Variants in IL7 observed in about 807,000 individuals in gnomAD.
IL7 encodes the protein interleukin-7.
In IL7, 3 loss-of-function variants were observed where a neutral mutation model predicts 21.6. That is an observed-to-expected ratio of 0.14 (90% CI 0.06 to 0.36). IL7 has a LOEUF of 0.36. Ranked by LOEUF, IL7 falls within the 10% of genes least tolerant of loss-of-function variation. The pLI, the probability that IL7 is intolerant of heterozygous loss-of-function variation, is 1.00. For synonymous variants in IL7, 62 were observed against 68.1 expected, an observed-to-expected ratio of 0.91 and a Z score of 0.44; for missense variants, 175 against 200.2, an observed-to-expected ratio of 0.87 and a Z score of 0.76.
chr8:78,752,903 G>A (rs1398652208), intron 2 of IL7, among the ~76,000 whole-genome samples: 1 of 152,072 alleles, frequency 6.6e-6, no homozygotes, highest in African/African-American at 2.4e-5. Flanking sequence ...CTTCATCCAT[G>A]TCCCTGCAAA....
intron 3 of IL7, among the ~76,000 whole-genome samples, chr8:78,698,074 T>G (rs567619719): frequency 4.6e-5 from 7 of 152,222 alleles, no homozygotes; most frequent in Non-Finnish European, 8.8e-5. Context: ...CTTCCTTGAT[T>G]CTTTGATCCA....
At chr8:78,741,009 C>A (rs975993778) in intron 2 of IL7, among the ~76,000 whole-genome samples, 2 of 152,128 alleles carry the variant, frequency 1.3e-5, no homozygotes, top group Admixed American at 6.5e-5. Flanking sequence ...AGCAAACTAG[C>A]AACTCCATGC....
At chr8:78,720,100 T>G (rs552746991) in intron 5 of IL7, among the ~76,000 whole-genome samples, 34 of 151,992 alleles carry the variant, frequency 2.2e-4, no homozygotes, top group Middle Eastern at 3.4e-3. Flanking sequence ...ATGGCAAAGT[T>G]ATTTGTGATG....
chr8:78,746,238 G>A (rs1811973958), intron 2 of IL7, among the ~76,000 whole-genome samples: 1 of 152,194 alleles, frequency 6.6e-6, no homozygotes, highest in African/African-American at 2.4e-5. Context: ...CAAGAATTTG[G>A]AAGCTGCCTA....
At chr8:78,722,350 A>G (rs553251455) in intron 3 of IL7, among the ~76,000 whole-genome samples, 267 of 152,068 alleles carry the variant, frequency 1.8e-3, no homozygotes, top group Middle Eastern at 3.4e-3. Context: ...TTTTAACGAA[A>G]TTATTTTTCC....
Position 78,759,057 on chromosome 8 carries a change from TC to T in IL7, c.148-18976del, listed in dbSNP as rs60991823. ...TCTTCATTCTCTTTTATTCTTTTAT[TC>T]CCCCCCCCACCTTTTTTTTTAATCT... On this transcript the variant is annotated intron_variant, in intron 2 of 5. Coordinates refer to ENST00000263851, the MANE Select transcript of IL7 (RefSeq NM_000880.4). Among the ~76,000 whole-genome samples the T allele has an allele frequency of 8.5e-4, 124 of 145,754 alleles. 2 individuals carry two copies. The highest frequency in any genetic ancestry group is 3.5e-3 in the Middle Eastern group (1 of 288).
chr8:78,715,286 T>C, downstream of IL7: 1 of 1,613,896 alleles, frequency 6.2e-7, no homozygotes, highest in Non-Finnish European at 8.5e-7. Flanking sequence ...CCAGGTGTGC[T>C]TACAAACAAA....
intron 2 of IL7, among the ~76,000 whole-genome samples, chr8:78,753,340 T>C (rs1476664081): frequency 1.3e-5 from 2 of 152,270 alleles, no homozygotes; most frequent in African/African-American, 4.8e-5. Flanking sequence ...CCAGTGATGA[T>C]GAACTTTTTT....
At chr8:78,740,147 A>ATCT in intron 2 of IL7, 65 bp from the exon 3 acceptor site, 1 of 930,752 alleles carries the variant, frequency 1.1e-6, no homozygotes, top group Non-Finnish European at 1.5e-6. Context: ...TTGTAATTAT[A>ATCT]AAAAATAATA....
rs1451872944 is a variant in IL7, at chr8:78,733,772, G to A, written c.475C>T (p.Leu159=). Residue 159 remains leucine (L), a synonymous_variant, in exon 6 of 6, where the codon CTA becomes TTA. Coordinates refer to ENST00000263851, the MANE Select transcript of IL7 (RefSeq NM_000880.4). ...CAACAAGTTTTTATCTCTTGTAATA[G>A]TCTCTTTAGGAAACACAAGTCATTC... is the stretch of plus-strand genomic sequence containing the variant. ...KLNDLCFLKR[L]LQEIKTCWNK... 1 of 1,599,092 alleles carries A rather than the reference G, an allele frequency of 6.3e-7. No individual in the cohort carries two copies. Among genetic ancestry groups the A allele is most frequent in the African/African-American group, 1.3e-5 (1 of 74,224 alleles).
intron 2 of IL7, among the ~76,000 whole-genome samples, chr8:78,745,273 A>G (rs1811941385): frequency 6.6e-6 from 1 of 152,214 alleles, no homozygotes; most frequent in Non-Finnish European, 1.5e-5. Flanking sequence ...TAAAAAATGA[A>G]TCTTCTATTG....
chr8:78,800,294 C>G (rs1279152052), intron 1 of IL7, among the ~76,000 whole-genome samples: 1 of 152,068 alleles, frequency 6.6e-6, no homozygotes, highest in Non-Finnish European at 1.5e-5. Context: ...ACCACATTTT[C>G]TTTTTTTCTC....
chr8:78,804,724 G>A (rs188254586), intron 1 of IL7, among the ~76,000 whole-genome samples, 189 bp downstream of exon 1: 114 of 152,358 alleles, frequency 7.5e-4, no homozygotes, highest in Admixed American at 1.2e-3. Flanking sequence ...CCAGGTTCAA[G>A]TGGCTATGTG....
At chr8:78,751,549 A>C (rs1812173509) in intron 2 of IL7, among the ~76,000 whole-genome samples, 1 of 152,212 alleles carries the variant, frequency 6.6e-6, no homozygotes, top group Non-Finnish European at 1.5e-5. Flanking sequence ...CATGGATCTA[A>C]ATAAAGGAAG....
At chr8:78,766,788 G>T (rs935603209) in intron 2 of IL7, among the ~76,000 whole-genome samples, 1 of 152,088 alleles carries the variant, frequency 6.6e-6, no homozygotes, top group African/African-American at 2.4e-5. Flanking sequence ...GTATGTGTTT[G>T]TTATCTCATT....
intron 3 of IL7, among the ~76,000 whole-genome samples, chr8:78,721,967 T>C (rs1811250101): frequency 6.6e-6 from 1 of 151,978 alleles, no homozygotes; most frequent in East Asian, 1.9e-4. Flanking sequence ...GTTGTTTTAT[T>C]GCTAAGATAA....
intron 1 of IL7, among the ~76,000 whole-genome samples, chr8:78,803,897 G>A (rs867961855): frequency 1.3e-5 from 2 of 152,058 alleles, no homozygotes; most frequent in South Asian, 4.2e-4. Context: ...CTTTACCCAC[G>A]AGAGTGGAAA....
intron 3 of IL7, among the ~76,000 whole-genome samples, chr8:78,700,228 C>T (rs1255031345): frequency 5.9e-5 from 9 of 152,116 alleles, no homozygotes; most frequent in Non-Finnish European, 1.2e-4. Context: ...TGATGTTGAG[C>T]TTTTTTTCAT....
downstream of IL7, among the ~76,000 whole-genome samples, chr8:78,731,172 C>T (rs1182424685): frequency 1.3e-5 from 2 of 151,926 alleles, no homozygotes; most frequent in Non-Finnish European, 2.9e-5. Context: ...TTTTCTAGTT[C>T]AGTTTTCCCA....
Sources: gnomAD v4.1 joint callset for allele counts (sites outside exome capture counted in the v4.1 genomes callset) on GRCh38, gnomAD v4.1.1 for gene constraint, MANE v1.5 for transcripts, NCBI Gene and HGNC (gene_info 2026-07-23, HGNC 2026-07-21) for gene names.